The following LINGO2 variants were observed in gnomAD, a reference collection of about 807,000 sequenced individuals.
LINGO2 encodes the protein leucine rich repeat and Ig domain containing 2.
In LINGO2, 14 loss-of-function variants were observed where a neutral mutation model predicts 30.6. That is an observed-to-expected ratio of 0.46 (90% CI 0.30 to 0.72). The LOEUF (loss-of-function observed/expected upper bound fraction) is 0.72, where lower values mean the gene tolerates loss of function less well. Ranked by LOEUF, LINGO2 falls within the 30% of genes least tolerant of loss-of-function variation. The pLI is 0.07. For synonymous variants in LINGO2, 317 were observed against 288.5 expected, an observed-to-expected ratio of 1.10 and a Z score of -1.00; for missense variants, 729 against 751.7, an observed-to-expected ratio of 0.97 and a Z score of 0.35.
chr9:28,342,891 T>G (rs1448687137), intron 3 of LINGO2, among the ~76,000 whole-genome samples: 3 of 152,112 alleles, frequency 2.0e-5, no homozygotes, highest in East Asian at 3.9e-4. Context: ...CAGCTAGAAT[T>G]GGTCTCGCTG....
intron 5 of LINGO2, among the ~76,000 whole-genome samples, chr9:28,005,803 CAG>C: frequency 6.6e-6 from 1 of 151,900 alleles, no homozygotes; most frequent in South Asian, 2.1e-4. Flanking sequence ...GCCACCAAGA[CAG>C]AGCAGAGGAG....
chr9:28,865,996 C>T, the LINGO2 span, among the ~76,000 whole-genome samples: 2 of 152,102 alleles, frequency 1.3e-5, no homozygotes, highest in East Asian at 1.9e-4. Context: ...ATATGTAGCA[C>T]TCTATGTTAG....
At chr9:28,889,477 T>C in the LINGO2 span, among the ~76,000 whole-genome samples, 8 of 152,220 alleles carry the variant, frequency 5.3e-5, no homozygotes, top group Admixed American at 2.0e-4. Flanking sequence ...TGGGCTATTT[T>C]ACTTTTCATT....
chr9:28,764,870 A>G, the LINGO2 span, among the ~76,000 whole-genome samples: 1 of 151,948 alleles, frequency 6.6e-6, no homozygotes, highest in African/African-American at 2.4e-5. Flanking sequence ...ACCTATGCAA[A>G]AAGGAAGCTA....
At chr9:29,154,780 G>A in the LINGO2 span, among the ~76,000 whole-genome samples, 1 of 152,160 alleles carries the variant, frequency 6.6e-6, no homozygotes, top group African/African-American at 2.4e-5. Flanking sequence ...AATATCACTA[G>A]TAGAAAATAT....
upstream of LINGO2, among the ~76,000 whole-genome samples, chr9:28,670,442 G>A (rs1294660194): frequency 1.3e-5 from 2 of 152,018 alleles, 1 homozygote; most frequent in Non-Finnish European, 2.9e-5. Flanking sequence ...GTGCAATATA[G>A]CAATGAAAAT....
the LINGO2 span, among the ~76,000 whole-genome samples, chr9:29,043,116 T>G: frequency 6.6e-6 from 1 of 151,864 alleles, no homozygotes; most frequent in Non-Finnish European, 1.5e-5. Context: ...CAAGAAAAAG[T>G]AGACTGAACA....
At chr9:29,060,067 TG>T in the LINGO2 span, among the ~76,000 whole-genome samples, 1 of 152,170 alleles carries the variant, frequency 6.6e-6, no homozygotes, top group African/African-American at 2.4e-5. Flanking sequence ...AATCTAAACT[TG>T]GAGAATGACT....
At chr9:29,044,799 T>C in the LINGO2 span, among the ~76,000 whole-genome samples, 10 of 152,070 alleles carry the variant, frequency 6.6e-5, no homozygotes, top group African/African-American at 2.4e-4. Context: ...CTGCAGATGG[T>C]ACTGGAGCCT....
the LINGO2 span, among the ~76,000 whole-genome samples, chr9:28,748,542 C>T: frequency 6.6e-6 from 1 of 152,134 alleles, no homozygotes; most frequent in South Asian, 2.1e-4. Context: ...TACACCCAAA[C>T]ATCTTCCATT....
chr9:28,828,155 C>CT, the LINGO2 span, among the ~76,000 whole-genome samples: 1 of 151,666 alleles, frequency 6.6e-6, no homozygotes, highest in African/African-American at 2.4e-5. Flanking sequence ...AAAATGGAGT[C>CT]TAAGTCTGCA....
chr9:28,981,286 GTC>G, the LINGO2 span, among the ~76,000 whole-genome samples: 2 of 152,078 alleles, frequency 1.3e-5, no homozygotes, highest in Admixed American at 1.3e-4. Context: ...TACTGGCAGA[GTC>G]TGATCTCAGA....
intron 4 of LINGO2, among the ~76,000 whole-genome samples, chr9:28,107,714 T>C (rs1415061157): frequency 1.3e-5 from 2 of 152,150 alleles, no homozygotes; most frequent in Non-Finnish European, 2.9e-5. Context: ...CAGTGGTAAT[T>C]CACCAATACA....
At chr9:28,605,986 T>C (rs756097522) in intron 1 of LINGO2, among the ~76,000 whole-genome samples, 35 of 147,224 alleles carry the variant, frequency 2.4e-4, no homozygotes, top group East Asian at 2.2e-4. Flanking sequence ...GCGCCTTCCA[T>C]CTCAAGTATC....
intron 4 of LINGO2, among the ~76,000 whole-genome samples, chr9:28,066,530 G>C (rs1459379267): frequency 1.3e-5 from 2 of 152,076 alleles, no homozygotes; most frequent in African/African-American, 4.8e-5. Flanking sequence ...TTAGCTAGGA[G>C]AATAGGAATT....
chr9:28,630,207 A>G (rs1826870882), intron 1 of LINGO2, among the ~76,000 whole-genome samples: 1 of 150,314 alleles, frequency 6.7e-6, no homozygotes. Flanking sequence ...AACTTAAAGT[A>G]TAATAAAAAA....
At chr9:28,367,967 G>T (rs1265407940) in intron 3 of LINGO2, among the ~76,000 whole-genome samples, 1 of 151,508 alleles carries the variant, frequency 6.6e-6, no homozygotes, top group African/African-American at 2.4e-5. Context: ...CTTCCAATAT[G>T]CTTCAATTTC....
the LINGO2 span, among the ~76,000 whole-genome samples, chr9:28,908,922 T>G: frequency 6.6e-6 from 1 of 151,924 alleles, no homozygotes; most frequent in Non-Finnish European, 1.5e-5. Flanking sequence ...TCTTGTCTTT[T>G]GATTTGGTAT....
At chr9:28,882,568 T>C in the LINGO2 span, among the ~76,000 whole-genome samples, 6 of 152,264 alleles carry the variant, frequency 3.9e-5, no homozygotes, top group South Asian at 1.0e-3. Flanking sequence ...TCAATATCAG[T>C]ACACTAGAAA....
Sources: gnomAD v4.1 joint callset for allele counts (sites outside exome capture counted in the v4.1 genomes callset) on GRCh38, gnomAD v4.1.1 for gene constraint, MANE v1.5 for transcripts, NCBI Gene and HGNC (gene_info 2026-07-23, HGNC 2026-07-21) for gene names.